Variants in SLC12A2 observed in about 807,000 individuals in gnomAD.
SLC12A2 encodes the protein solute carrier family 12 member 2.
In SLC12A2, 67 loss-of-function variants were observed where a neutral mutation model predicts 136.3. That is an observed-to-expected ratio of 0.49 (90% CI 0.40 to 0.60). The LOEUF is 0.60. Ranked by LOEUF, SLC12A2 falls within the 20% of genes least tolerant of loss-of-function variation. SLC12A2 has a pLI of 0.00. For synonymous variants in SLC12A2, 619 were observed against 562.9 expected (o/e 1.10, Z -1.41); for missense variants, 1,322 against 1,534.7 (o/e 0.86, Z 2.32).
rs1763913136 is a variant in SLC12A2, at chr5:128,187,779, TTTG to T, written c.*1151_*1153del. On this transcript the variant is annotated 3_prime_UTR_variant, in exon 27 of 27. Transcript: ENST00000262461. The stretch of plus-strand genomic sequence containing the variant: ...AATCCATTCTTAATATTTTAAAACT[TTTG>T]TTAAGAAAAACTGCCAGTTTGTGCT... 6.6e-6 allele frequency: 1 copy of T among 152,222 alleles called. No homozygotes were observed. The allele number at this position is 152,222 out of a possible 1,614,324, so 9.4% of individuals were successfully genotyped here.
chr5:128,112,228 A>C (rs1378411063), intron 1 of SLC12A2, among the ~76,000 whole-genome samples: 1 of 152,184 alleles, frequency 6.6e-6, no homozygotes, highest in Non-Finnish European at 1.5e-5. Context: ...CATTATGTCA[A>C]CCAGTACATG....
At chr5:128,151,746 G>A (rs1020481760) in intron 14 of SLC12A2, among the ~76,000 whole-genome samples, 17 of 152,054 alleles carry the variant, frequency 1.1e-4, no homozygotes, top group Non-Finnish European at 2.2e-4. Context: ...TTACAGTACT[G>A]TAGTAGCTGT....
At chr5:128,119,343 GT>G (rs773117708) in intron 4 of SLC12A2, among the ~76,000 whole-genome samples, 2 of 152,132 alleles carry the variant, frequency 1.3e-5, no homozygotes, top group Non-Finnish European at 2.9e-5. Flanking sequence ...GGAACATTAT[GT>G]TTATTGTTTA....
At chr5:128,112,300 G>A (rs1267770860) in intron 1 of SLC12A2, among the ~76,000 whole-genome samples, 2 of 152,164 alleles carry the variant, frequency 1.3e-5, no homozygotes, top group African/African-American at 4.8e-5. Flanking sequence ...TGCAGACAAG[G>A]AATGAGTAAA....
At chr5:128,178,239 C>T (rs1763593874) in intron 21 of SLC12A2, 1 of 161,920 alleles carries the variant, frequency 6.2e-6, no homozygotes, top group African/African-American at 2.4e-5. Context: ...AACAGCTTTT[C>T]AAAACAAAAT....
chr5:128,105,584 A>G (rs1033783224), intron 1 of SLC12A2, among the ~76,000 whole-genome samples: 1 of 152,204 alleles, frequency 6.6e-6, no homozygotes, highest in African/African-American at 2.4e-5. Context: ...AATGTGCTGC[A>G]CTATTAGAAA....
At chr5:128,091,715 G>T (rs1469175141) in intron 1 of SLC12A2, among the ~76,000 whole-genome samples, 2 of 152,240 alleles carry the variant, frequency 1.3e-5, no homozygotes, top group East Asian at 3.9e-4. Flanking sequence ...GAACTTGGGG[G>T]TTTCTAATTG....
intron 4 of SLC12A2, among the ~76,000 whole-genome samples, chr5:128,119,691 C>G (rs9968597): frequency 0.32 from 47,913 of 151,904 alleles, 9,119 homozygotes; most frequent in African/African-American, 0.53. Context: ...CTTCCTTACA[C>G]CTTATAAAAA....
Position 128,083,802 on chromosome 5 carries a change from T to G in SLC12A2, c.-153T>G, listed in dbSNP as rs960152584. ...CTCGCTCGGCTGCCGGTGGCCTCTG[T>G]GGCCGTCCAGGCTAGCGGCGGCCCG... On this transcript the variant is annotated 5_prime_UTR_variant, in exon 1 of 27. Transcript: ENST00000262461. 1.9e-6 allele frequency: 1 copy of G among 527,426 alleles called. No homozygotes were observed. Among genetic ancestry groups the G allele is most frequent in the Non-Finnish European group, 2.8e-6 (1 of 352,240 alleles). The allele number at this position is 527,426 out of a possible 1,614,324, so 32.7% of individuals were successfully genotyped here.
At chr5:128,168,000 A>C in intron 18 of SLC12A2, 133 bp downstream of exon 18, 1 of 557,382 alleles carries the variant, frequency 1.8e-6, no homozygotes, top group Non-Finnish European at 3.1e-6. Context: ...GAATCACACA[A>C]AGCATCTGGG....
At chr5:128,173,464 A>G (rs1763443878) in intron 19 of SLC12A2, among the ~76,000 whole-genome samples, 2 of 152,202 alleles carry the variant, frequency 1.3e-5, no homozygotes, top group East Asian at 1.9e-4. Flanking sequence ...TCATGTATTT[A>G]TAATCATTGT....
intron 3 of SLC12A2, 48 bp downstream of exon 3, chr5:128,114,335 GT>G (rs1317490272): frequency 7.2e-7 from 1 of 1,397,352 alleles, no homozygotes; most frequent in Admixed American, 1.7e-5. Flanking sequence ...CAAAATAACT[GT>G]GTCTGAGCTC....
chr5:128,145,616 T>C (rs1762508978), intron 10 of SLC12A2, among the ~76,000 whole-genome samples: 1 of 152,142 alleles, frequency 6.6e-6, no homozygotes, highest in Non-Finnish European at 1.5e-5. Flanking sequence ...AGTCTGCTAC[T>C]GTCTTTAAAA....
intron 23 of SLC12A2, among the ~76,000 whole-genome samples, chr5:128,181,998 A>G (rs1763721931): frequency 7.1e-6 from 1 of 140,740 alleles, no homozygotes; most frequent in African/African-American, 2.7e-5. Context: ...TATACCTACC[A>G]CTCATCACAT....
chr5:128,170,515 C>CT (rs1763339670), intron 18 of SLC12A2: 2 of 152,136 alleles, frequency 1.3e-5, no homozygotes, highest in South Asian at 4.2e-4. Context: ...GGATTTTAGC[C>CT]TTTTTGATTT....
intron 24 of SLC12A2, among the ~76,000 whole-genome samples, chr5:128,183,333 T>C (rs1264816552): frequency 6.6e-6 from 1 of 152,094 alleles, no homozygotes; most frequent in African/African-American, 2.4e-5. Context: ...GCAAAGACTT[T>C]GGAATATTCC....
At chr5:128,184,316 A>G (rs192974946) in intron 24 of SLC12A2, 50 bp from the exon 25 acceptor site, 3 of 1,177,990 alleles carry the variant, frequency 2.5e-6, no homozygotes, top group East Asian at 2.7e-5. Context: ...TCTTCCTGTT[A>G]TGTAACTTAA....
In SLC12A2 at chr5:128,158,081, C is replaced by T; in HGVS notation, c.2392C>T (p.Pro798Ser). The change falls in exon 16 of 27, where the codon CCA becomes TCA. Residue 798 changes from proline to serine, a missense_variant. Coordinates refer to ENST00000262461, the MANE Select transcript of SLC12A2 (RefSeq NM_001046.3). ...RPQCLVMTGA[P>S]NSRPALLHLV... The stretch of plus-strand genomic sequence containing the variant: ...ACAGTGTCTTGTTATGACAGGTGCT[C>T]CAAACTCACGTCCAGCTTTACTTCA... The T allele has an allele frequency of 1.2e-6, 2 of 1,613,556 alleles. No homozygotes were observed. Among genetic ancestry groups the T allele is most frequent in the Non-Finnish European group, 1.7e-6 (2 of 1,179,738 alleles).
chr5:128,163,306 A>G (rs1763102455), intron 17 of SLC12A2, among the ~76,000 whole-genome samples: 1 of 152,170 alleles, frequency 6.6e-6, no homozygotes, highest in South Asian at 2.1e-4. Flanking sequence ...TGACAGGTGG[A>G]TCACCTGAGG....
Sources: allele counts gnomAD v4.1 joint callset (sites outside exome capture counted in the v4.1 genomes callset), GRCh38; gene constraint gnomAD v4.1.1; transcripts MANE v1.5; gene names NCBI Gene and HGNC (gene_info 2026-07-23, HGNC 2026-07-21).